Variants in STXBP5L observed in about 807,000 individuals in gnomAD.
The protein encoded by STXBP5L is syntaxin binding protein 5L.
Under a neutral mutation model 144.5 loss-of-function variants are expected in STXBP5L, and 65 were observed. The observed-to-expected ratio is 0.45, with a 90% confidence interval of 0.37 to 0.55. STXBP5L has a LOEUF of 0.55. STXBP5L is among the 20% of genes least tolerant of loss of function. The probability of loss-of-function intolerance (pLI) is 0.00; values close to 1 mark genes in which losing one functional copy is unlikely to be tolerated. For missense variants in STXBP5L, 1,298 were observed against 1,405.5 expected (o/e 0.92, Z 1.22); for synonymous variants, 505 against 469.6 (o/e 1.08, Z -0.97).
At chr3:121,144,451 G>T (rs1201236003) in intron 7 of STXBP5L, among the ~76,000 whole-genome samples, 1 of 151,834 alleles carries the variant, frequency 6.6e-6, no homozygotes, top group African/African-American at 2.4e-5. Context: ...ATTATTATGT[G>T]TATGTATTTT....
At chr3:121,381,744 T>C (rs2046329476) in intron 22 of STXBP5L, among the ~76,000 whole-genome samples, 1 of 152,110 alleles carries the variant, frequency 6.6e-6, no homozygotes, top group Non-Finnish European at 1.5e-5. Context: ...ATTTCTTCGG[T>C]AGTAAACTGT....
chr3:121,046,673 GT>G (rs1156351939), intron 5 of STXBP5L, among the ~76,000 whole-genome samples: 2 of 151,998 alleles, frequency 1.3e-5, no homozygotes, highest in Non-Finnish European at 2.9e-5. Context: ...GTCTCTGAGG[GT>G]TTTTTATATT....
chr3:120,990,411 C>T (rs1373590288), intron 3 of STXBP5L, among the ~76,000 whole-genome samples: 1 of 152,070 alleles, frequency 6.6e-6, no homozygotes, highest in Non-Finnish European at 1.5e-5. Context: ...CAATGCCATC[C>T]CCATCAAGCT....
At chr3:121,352,620 AT>A (rs2045335390) in intron 20 of STXBP5L, among the ~76,000 whole-genome samples, 1 of 152,116 alleles carries the variant, frequency 6.6e-6, no homozygotes, top group Non-Finnish European at 1.5e-5. Flanking sequence ...CAATCATGTC[AT>A]CTGCAAACAG....
In STXBP5L at chr3:121,318,377, A is replaced by AT. The variant is rs565066327; in HGVS notation, c.2111-97dup. The AT allele has an allele frequency of 1.7e-3, 1,253 of 737,538 alleles. 1 individual carries two copies. The highest frequency in any genetic ancestry group is 2.3e-3 in the Admixed American group (68 of 29,290). 45.7% of individuals were successfully genotyped at this position (737,538 alleles called of 1,614,324 possible). ...TTGGACATGATAAAGTAGTTTTCAC[A>AT]TAAAAAAAAGCCTTTTAAACTTGTA... On this transcript the variant is annotated intron_variant, in intron 19 of 26. Coordinates refer to ENST00000471454, the MANE Select transcript of STXBP5L (RefSeq NM_001308330.2).
chr3:121,308,918 C>G (rs1325018395), intron 19 of STXBP5L, among the ~76,000 whole-genome samples: 1 of 152,070 alleles, frequency 6.6e-6, no homozygotes, highest in Non-Finnish European at 1.5e-5. Context: ...GGAATTAAGT[C>G]AGTATACATC....
chr3:121,163,470 C>A (rs1225844653), intron 9 of STXBP5L, among the ~76,000 whole-genome samples: 1 of 151,906 alleles, frequency 6.6e-6, no homozygotes, highest in Non-Finnish European at 1.5e-5. Context: ...ATACCTAATG[C>A]ATGCCGGGCT....
chr3:121,390,672 G>T (rs772086082), intron 22 of STXBP5L, among the ~76,000 whole-genome samples: 10 of 152,110 alleles, frequency 6.6e-5, no homozygotes, highest in Non-Finnish European at 1.3e-4. Flanking sequence ...TGAAATTCTG[G>T]GTTGAAAATT....
At chr3:121,158,128 G>A (rs1331527979) in intron 9 of STXBP5L, 1 of 152,422 alleles carries the variant, frequency 6.6e-6, no homozygotes, top group Non-Finnish European at 1.5e-5. Flanking sequence ...TCCACATTGA[G>A]AAGAGCATTT....
At chr3:121,255,650 A>C (rs2050181703) in intron 16 of STXBP5L, among the ~76,000 whole-genome samples, 1 of 151,922 alleles carries the variant, frequency 6.6e-6, no homozygotes, top group Admixed American at 6.5e-5. Context: ...TTTTCTCATC[A>C]ACTGTTTGAC....
At chr3:121,313,294 G>C (rs1277410344) in intron 19 of STXBP5L, among the ~76,000 whole-genome samples, 2 of 143,908 alleles carry the variant, frequency 1.4e-5, no homozygotes, top group African/African-American at 5.2e-5. Flanking sequence ...GGGGCGGCTG[G>C]GCAGAGGCGC....
intron 20 of STXBP5L, among the ~76,000 whole-genome samples, chr3:121,348,247 G>T (rs1167232492): frequency 6.6e-6 from 1 of 152,112 alleles, no homozygotes; most frequent in Admixed American, 6.5e-5. Context: ...CTGTTTATAT[G>T]CTGGGTTATG....
intron 9 of STXBP5L, among the ~76,000 whole-genome samples, chr3:121,199,157 C>T (rs936087215): frequency 1.3e-5 from 2 of 151,768 alleles, no homozygotes; most frequent in South Asian, 4.2e-4. Context: ...CTCTGATTAC[C>T]TCGCAGTGGT....
At chr3:120,966,323 C>T (rs1939570015) in intron 3 of STXBP5L, among the ~76,000 whole-genome samples, 1 of 152,194 alleles carries the variant, frequency 6.6e-6, no homozygotes, top group South Asian at 2.1e-4. Flanking sequence ...TGTTCCGTTG[C>T]TGGCGAGGAG....
chr3:121,323,374 A>G (rs2044039579), intron 20 of STXBP5L, among the ~76,000 whole-genome samples: 1 of 152,116 alleles, frequency 6.6e-6, no homozygotes, highest in African/African-American at 2.4e-5. Context: ...GTGTATAGTG[A>G]AAGATTATAA....
intron 20 of STXBP5L, among the ~76,000 whole-genome samples, chr3:121,363,849 C>T (rs1017821351): frequency 1.3e-5 from 2 of 151,974 alleles, no homozygotes; most frequent in African/African-American, 4.8e-5. Flanking sequence ...CTTGCTATGC[C>T]TCCTATCTTT....
In STXBP5L at chr3:121,422,601, C is replaced by G. The variant is rs545252561; in HGVS notation, c.*3504C>G. The G allele has an allele frequency of 6.6e-6, 1 of 152,162 alleles. No individual in the cohort carries two copies. Among genetic ancestry groups the G allele is most frequent in the Non-Finnish European group, 1.5e-5 (1 of 68,034 alleles). 9.4% of individuals were successfully genotyped at this position (152,162 alleles called of 1,614,324 possible). ...AAAAGCAGTACTACTGACTTTGCTTCTTACACTTCACTGAGCCCCAGACTT... is the reference window on the plus strand; with the variant it reads ...AAAAGCAGTACTACTGACTTTGCTTGTTACACTTCACTGAGCCCCAGACTT... On this transcript the variant is annotated 3_prime_UTR_variant, in exon 27 of 27. Coordinates refer to ENST00000471454, the MANE Select transcript of STXBP5L (RefSeq NM_001308330.2).
At chr3:120,979,670 G>C (rs549802096) in intron 3 of STXBP5L, among the ~76,000 whole-genome samples, 1 of 152,246 alleles carries the variant, frequency 6.6e-6, no homozygotes, top group South Asian at 2.1e-4. Context: ...GACTGGAGCT[G>C]TTCATATTTG....
chr3:121,325,030 C>T (rs1395265574), intron 20 of STXBP5L, among the ~76,000 whole-genome samples: 1 of 151,862 alleles, frequency 6.6e-6, no homozygotes, highest in Admixed American at 6.6e-5. Context: ...CTCAAAGAGG[C>T]AATGTTATCT....
Sources: allele counts gnomAD v4.1 joint callset (sites outside exome capture counted in the v4.1 genomes callset), GRCh38; gene constraint gnomAD v4.1.1; transcripts MANE v1.5; gene names NCBI Gene and HGNC (gene_info 2026-07-23, HGNC 2026-07-21).